The following DSG3 variants were observed in gnomAD, a reference collection of about 807,000 sequenced individuals.
DSG3 encodes the protein desmoglein 3, also known as desmoglein-3.
A neutral mutation model predicts 85.9 loss-of-function variants in DSG3; 63 were observed. That is an observed-to-expected ratio of 0.73 (90% CI 0.60 to 0.90). DSG3 has a LOEUF of 0.90. Among genes scored for constraint, DSG3 ranks in the 40% least tolerant of loss-of-function variants. DSG3 has a pLI of 0.00. For synonymous variants in DSG3, 447 were observed against 441.9 expected, an observed-to-expected ratio of 1.01 and a Z score of -0.14; for missense variants, 1,220 against 1,219.9, an observed-to-expected ratio of 1.00 and a Z score of 0.00.
intron 2 of DSG3, 152 bp from the exon 3 acceptor site, chr18:31,456,841 C>CT: frequency 3.0e-6 from 2 of 656,216 alleles, no homozygotes; most frequent in Non-Finnish European, 5.0e-6. Flanking sequence ...TTATTACTTG[C>CT]TTGACAAAGT....
chr18:31,470,126 A>T (rs1205954520), intron 12 of DSG3, among the ~76,000 whole-genome samples: 1 of 152,140 alleles, frequency 6.6e-6, no homozygotes, highest in Non-Finnish European at 1.5e-5. Flanking sequence ...ATTTGATTGT[A>T]AGAGGTCTCT....
chr18:31,459,264 T>G (rs965419504), intron 5 of DSG3, 87 bp downstream of exon 5: 8 of 1,251,960 alleles, frequency 6.4e-6, no homozygotes, highest in Non-Finnish European at 7.7e-6. Flanking sequence ...ATAAACTAAT[T>G]TATGCTCTTA....
At chr18:31,473,971 G>T in intron 14 of DSG3, 150 bp from the exon 15 acceptor site, 1 of 695,906 alleles carries the variant, frequency 1.4e-6, no homozygotes, top group Non-Finnish European at 2.3e-6. Context: ...ATAACACATT[G>T]TGGGATGTTA....
At chr18:31,458,320 T>C (rs1359079913) in intron 3 of DSG3, 125 bp from the exon 4 acceptor site, 5 of 1,100,502 alleles carry the variant, frequency 4.5e-6, no homozygotes, top group Non-Finnish European at 6.5e-6. Flanking sequence ...AGGCAAAAAG[T>C]AAATGGCACA....
chr18:31,452,989 C>A (rs530686011), intron 1 of DSG3, among the ~76,000 whole-genome samples: 1 of 152,212 alleles, frequency 6.6e-6, no homozygotes, highest in East Asian at 1.9e-4. Flanking sequence ...GAATTCTTCA[C>A]AATTAAATAA....
At chr18:31,457,453 A>G (rs68094756) in intron 3 of DSG3, among the ~76,000 whole-genome samples, 1 of 152,104 alleles carries the variant, frequency 6.6e-6, no homozygotes, top group Non-Finnish European at 1.5e-5. Context: ...GGAGCAAAAT[A>G]TGGATTGGTC....
In DSG3 at chr18:31,475,597, A is replaced by C. The variant is rs961333601; in HGVS notation, c.2386-49A>C. ...TCTACAAACAGTATTATATTGTTCA[A>C]CTGACTCTTTCTTAAAATTCATTTT... On this transcript the variant is annotated intron_variant, in intron 15 of 15. Coordinates refer to ENST00000257189, the MANE Select transcript of DSG3 (RefSeq NM_001944.3). 2.5e-6 allele frequency: 4 copies of C among 1,582,648 alleles called. No individual in the cohort carries two copies. The South Asian group carries it at 4.7e-5, about 19-fold the overall frequency.
At chr18:31,451,907 C>T (rs1364058903) in intron 1 of DSG3, among the ~76,000 whole-genome samples, 1 of 152,184 alleles carries the variant, frequency 6.6e-6, no homozygotes, top group African/African-American at 2.4e-5. Context: ...AAGGTGAGGC[C>T]TTGCTTTGGG....
intron 11 of DSG3, among the ~76,000 whole-genome samples, chr18:31,467,230 A>G (rs1314321579): frequency 1.3e-5 from 2 of 152,152 alleles, no homozygotes; most frequent in African/African-American, 2.4e-5. Context: ...AATCCCAGCT[A>G]TTCAGGAGAC....
intron 1 of DSG3, among the ~76,000 whole-genome samples, chr18:31,448,793 G>A (rs556834157): frequency 1.3e-5 from 2 of 151,482 alleles, no homozygotes; most frequent in South Asian, 2.1e-4. Context: ...GGTTGGCCTA[G>A]GCATCAATTT....
intron 3 of DSG3, 36 bp downstream of exon 3, chr18:31,457,160 A>G: frequency 6.3e-7 from 1 of 1,588,214 alleles, no homozygotes; most frequent in Non-Finnish European, 8.5e-7. Flanking sequence ...GAGTTTTTAG[A>G]ATAAATGTAT....
At chr18:31,450,212 A>G (rs2072703035) in intron 1 of DSG3, among the ~76,000 whole-genome samples, 2 of 152,192 alleles carry the variant, frequency 1.3e-5, no homozygotes, top group Non-Finnish European at 2.9e-5. Flanking sequence ...GGATTCAGTG[A>G]AATTTGAGCT....
In DSG3 at chr18:31,458,433, T is replaced by A. The variant is rs1292674769; in HGVS notation, c.217-12T>A. 1 of 1,612,494 alleles carries A rather than the reference T, an allele frequency of 6.2e-7. No homozygotes were observed. The highest frequency in any genetic ancestry group is 2.2e-5 in the East Asian group (1 of 44,868). On this transcript the variant is annotated splice_polypyrimidine_tract_variant and intron_variant, in intron 3 of 15. Coordinates refer to ENST00000257189, the MANE Select transcript of DSG3 (RefSeq NM_001944.3). ...ATGGTCACCTCAACGTTTTTGGTATTTGGGGCTGTAGATTACTTCAGATTA... is the reference window on the plus strand; with the variant it reads ...ATGGTCACCTCAACGTTTTTGGTATATGGGGCTGTAGATTACTTCAGATTA...
At chr18:31,466,430 A>G (rs1204175625) in intron 10 of DSG3, 100 bp from the exon 11 acceptor site, 6 of 974,598 alleles carry the variant, frequency 6.2e-6, no homozygotes, top group Non-Finnish European at 9.5e-6. Flanking sequence ...ATGAGAAGAC[A>G]CACTGAGTTG....
rs752212731 is a variant in DSG3, at chr18:31,464,326, C to A, written c.1215C>A (p.Ile405=). 1.9e-6 allele frequency: 3 copies of A among 1,614,088 alleles called. No individual in the cohort carries two copies. In the South Asian group the frequency reaches 3.3e-5, roughly 18 times the overall value. The change falls in exon 9 of 16, where the codon ATC becomes ATA. Residue 405 remains isoleucine, a synonymous_variant. Transcript: ENST00000257189. Reference sequence around the variant, plus strand: ...GTAGCAAAAAATTGGTGGATTATATCCTGGGAACATATCAAGCCATCGATG... The same window carrying A: ...GTAGCAAAAAATTGGTGGATTATATACTGGGAACATATCAAGCCATCGATG... ...GISSKKLVDY[I]LGTYQAIDED... is the part of the protein sequence containing the mutation.
At chr18:31,463,946 T>C (rs897999583) in intron 8 of DSG3, among the ~76,000 whole-genome samples, 165 bp from the exon 9 acceptor site, 15 of 152,194 alleles carry the variant, frequency 9.9e-5, no homozygotes, top group African/African-American at 2.9e-4. Flanking sequence ...TTAAGAATCC[T>C]AAAGCTTTCT....
At chr18:31,458,069 C>T (rs2072760172) in intron 3 of DSG3, among the ~76,000 whole-genome samples, 1 of 152,098 alleles carries the variant, frequency 6.6e-6, no homozygotes, top group Non-Finnish European at 1.5e-5. Context: ...CTCTCCACTT[C>T]CCCCTATTTA....
Position 31,447,920 on chromosome 18 carries a change from T to C in DSG3, c.43T>C (p.Phe15Leu), listed in dbSNP as rs769160668. The C allele has an allele frequency of 1.9e-6, 3 of 1,584,584 alleles. No individual in the cohort carries two copies. The highest frequency in any genetic ancestry group is 2.4e-5 in the East Asian group (1 of 41,640). Residue 15 changes from phenylalanine (F) to leucine (L), a missense_variant, in exon 1 of 16, where the codon TTC becomes CTC. By Grantham distance (22) the Phe-to-Leu change is conservative. Coordinates refer to ENST00000257189, the MANE Select transcript of DSG3 (RefSeq NM_001944.3). ...CAGAACTACAGGGGCTCTGGCCATC[T>C]TCGTGGTAAGTCCTGGATTTTCCTA... ...FPRTTGALAIFVVVILVHGEL... is the reference protein window; with the variant it reads ...FPRTTGALAILVVVILVHGEL...
intron 3 of DSG3, among the ~76,000 whole-genome samples, chr18:31,457,820 G>A (rs1314902349): frequency 6.6e-6 from 1 of 151,650 alleles, no homozygotes; most frequent in African/African-American, 2.4e-5. Flanking sequence ...TAGTAGAGAC[G>A]GGGTTTCACC....
Sources: gnomAD v4.1 joint callset for allele counts (sites outside exome capture counted in the v4.1 genomes callset) on GRCh38, gnomAD v4.1.1 for gene constraint, MANE v1.5 for transcripts, NCBI Gene and HGNC (gene_info 2026-07-23, HGNC 2026-07-21) for gene names.